Variants in SEMA5A observed in about 807,000 individuals in gnomAD.
SEMA5A encodes semaphorin 5A.
In SEMA5A, 55 loss-of-function variants were observed where a neutral mutation model predicts 135.5. The ratio of observed to expected loss-of-function variants is 0.41; its 90% confidence interval spans 0.33 to 0.51. The LOEUF is 0.51. Among genes scored for constraint, SEMA5A ranks in the 20% least tolerant of loss-of-function variants. SEMA5A has a pLI of 0.37. For synonymous variants in SEMA5A, 580 were observed against 546.5 expected, an observed-to-expected ratio of 1.06 and a Z score of -0.85; for missense variants, 1,290 against 1,419.9, an observed-to-expected ratio of 0.91 and a Z score of 1.47.
At chr5:9,046,367 A>G (rs917614805) in intron 21 of SEMA5A, among the ~76,000 whole-genome samples, 6 of 152,224 alleles carry the variant, frequency 3.9e-5, no homozygotes, top group African/African-American at 1.4e-4. Context: ...GCCTGGGTGC[A>G]TCGTAACCAC....
intron 9 of SEMA5A, among the ~76,000 whole-genome samples, chr5:9,200,374 T>TAAAACAA: frequency 6.6e-6 from 1 of 152,334 alleles, no homozygotes; most frequent in East Asian, 1.9e-4. Context: ...TGTTTTGTTT[T>TAAAACAA]GTTTTGCCCA....
rs1016647977 is a variant in SEMA5A at position 9,336,964 on chromosome 5, T to C, written c.224+749A>G. On this transcript the variant is annotated intron_variant, in intron 4 of 22. Coordinates refer to ENST00000382496, the MANE Select transcript of SEMA5A (RefSeq NM_003966.3). ...CTTTCTTAAACTTTAATGTCAATTT[T>C]CCTAAAAGATGGATATATAATCCCA... 4.6e-5 allele frequency among the ~76,000 whole-genome samples: 7 copies of C among 152,208 alleles called. 1 individual carries two copies. The highest frequency in any genetic ancestry group is 3.9e-4 in the Admixed American group (6 of 15,284).
chr5:9,297,175 TATACATATGTATATACAC>T (rs562388224), intron 5 of SEMA5A, among the ~76,000 whole-genome samples: 1,812 of 151,854 alleles, frequency 0.012, 47 homozygotes, highest in Admixed American at 0.054. Context: ...TATATATACA[TATACATATGTATATACAC>T]ATACATATGT....
chr5:9,520,404 G>A (rs1169330974), intron 1 of SEMA5A, among the ~76,000 whole-genome samples: 3 of 152,186 alleles, frequency 2.0e-5, no homozygotes, highest in African/African-American at 7.2e-5. Flanking sequence ...GGGAGTCGCT[G>A]AAATGGAGTG....
At chr5:9,462,520 G>A (rs374020365) in intron 1 of SEMA5A, among the ~76,000 whole-genome samples, 21 of 152,180 alleles carry the variant, frequency 1.4e-4, no homozygotes, top group South Asian at 2.1e-4. Flanking sequence ...AAAGACACAC[G>A]TGTGTGTATG....
intron 8 of SEMA5A, among the ~76,000 whole-genome samples, chr5:9,214,648 T>C (rs1746516451): frequency 6.6e-6 from 1 of 152,154 alleles, no homozygotes; most frequent in Non-Finnish European, 1.5e-5. Flanking sequence ...AGTATCATCA[T>C]TTGCCTGAAG....
chr5:9,287,914 C>G (rs1443082296), intron 5 of SEMA5A, among the ~76,000 whole-genome samples: 2 of 150,296 alleles, frequency 1.3e-5, no homozygotes, highest in African/African-American at 4.8e-5. Flanking sequence ...CATGTTCAAC[C>G]AAACTCAATA....
intron 8 of SEMA5A, among the ~76,000 whole-genome samples, chr5:9,206,514 T>A (rs1314720649): frequency 6.6e-6 from 1 of 151,904 alleles, no homozygotes; most frequent in Non-Finnish European, 1.5e-5. Context: ...ATACTGAGAA[T>A]CCAAAAGAAG....
intron 15 of SEMA5A, among the ~76,000 whole-genome samples, chr5:9,117,861 C>T (rs1441246552): frequency 6.6e-6 from 1 of 152,138 alleles, no homozygotes; most frequent in Non-Finnish European, 1.5e-5. Flanking sequence ...AATGACAGGG[C>T]TTGCACAAGA....
At chr5:9,441,559 G>T (rs1473684132) in intron 1 of SEMA5A, among the ~76,000 whole-genome samples, 1 of 151,942 alleles carries the variant, frequency 6.6e-6, no homozygotes, top group Non-Finnish European at 1.5e-5. Context: ...AATGAGATAG[G>T]TGAAAAAAAG....
At chr5:9,538,304 C>G (rs1737889948) in intron 1 of SEMA5A, among the ~76,000 whole-genome samples, 1 of 152,024 alleles carries the variant, frequency 6.6e-6, no homozygotes, top group South Asian at 2.1e-4. Context: ...GGAAACACTC[C>G]CCTTTAAATA....
intron 1 of SEMA5A, among the ~76,000 whole-genome samples, chr5:9,442,175 T>TGGG (rs1182329705): frequency 6.6e-6 from 1 of 152,154 alleles, no homozygotes; most frequent in Non-Finnish European, 1.5e-5. Context: ...GACTTTGTTT[T>TGGG]GGGGGGGCTT....
At chr5:9,448,495 C>T (rs758992887) in intron 1 of SEMA5A, among the ~76,000 whole-genome samples, 2 of 152,174 alleles carry the variant, frequency 1.3e-5, no homozygotes, top group African/African-American at 2.4e-5. Context: ...TATGTTTCCC[C>T]TTCATCATCT....
At chr5:9,294,020 G>C (rs1002042000) in intron 5 of SEMA5A, among the ~76,000 whole-genome samples, 1 of 152,120 alleles carries the variant, frequency 6.6e-6, no homozygotes, top group Non-Finnish European at 1.5e-5. Flanking sequence ...AGTGGTATAA[G>C]TGAATTGAAA....
chr5:9,543,983 T>A (rs1468139843), intron 1 of SEMA5A, among the ~76,000 whole-genome samples: 1 of 152,212 alleles, frequency 6.6e-6, no homozygotes, highest in Non-Finnish European at 1.5e-5. Context: ...TGAAGTTGTG[T>A]AAAGTGGTCA....
chr5:9,186,100 A>G (rs974380421), intron 11 of SEMA5A, among the ~76,000 whole-genome samples: 1 of 152,210 alleles, frequency 6.6e-6, no homozygotes, highest in Non-Finnish European at 1.5e-5. Flanking sequence ...ATATTCTACC[A>G]TTTCCACTTG....
chr5:9,177,437 G>C (rs1410895873), intron 11 of SEMA5A, among the ~76,000 whole-genome samples: 1 of 152,224 alleles, frequency 6.6e-6, no homozygotes, highest in Non-Finnish European at 1.5e-5. Flanking sequence ...GGTTCTATGA[G>C]GGCAGGTTGT....
At chr5:9,329,455 AGAAAGT>A (rs1300294426) in intron 4 of SEMA5A, among the ~76,000 whole-genome samples, 1 of 152,240 alleles carries the variant, frequency 6.6e-6, no homozygotes, top group East Asian at 1.9e-4. Flanking sequence ...GCGCTGGACT[AGAAAGT>A]CCTCATCAGG....
intron 1 of SEMA5A, chr5:9,516,529 C>T (rs1736530044): frequency 6.6e-6 from 1 of 151,924 alleles, no homozygotes; most frequent in Non-Finnish European, 1.5e-5. Flanking sequence ...AAACTGTCTT[C>T]ACTTTAGTAT....
Sources: gnomAD v4.1 joint callset for allele counts (sites outside exome capture counted in the v4.1 genomes callset) on GRCh38, gnomAD v4.1.1 for gene constraint, MANE v1.5 for transcripts, NCBI Gene and HGNC (gene_info 2026-07-23, HGNC 2026-07-21) for gene names.